Variants in NCS1 observed in about 807,000 individuals in gnomAD.
The protein encoded by NCS1 is frequenin homolog.
A neutral mutation model predicts 28.4 loss-of-function variants in NCS1; 6 were observed. The ratio of observed to expected loss-of-function variants is 0.21; its 90% CI spans 0.12 to 0.42. NCS1 has a LOEUF of 0.42. Among genes scored for constraint, NCS1 ranks in the 10% least tolerant of loss-of-function variants. NCS1 has a pLI of 1.00. For synonymous variants in NCS1, 86 were observed against 99.3 expected (o/e 0.87, Z 0.79); for missense variants, 131 against 241.4 (o/e 0.54, Z 3.03).
rs987849596 is a variant in NCS1 at position 130,215,571 on chromosome 9, C to T, written c.90-2261C>T. The stretch of plus-strand genomic sequence containing the variant: ...CAGAGGACAGGAGAGGCAGGGCGGG[C>T]TCCGAGTCTCACGCATTGCTGTGGA... On this transcript the variant is annotated intron_variant, in intron 2 of 7. Coordinates refer to ENST00000372398, the MANE Select transcript of NCS1 (RefSeq NM_014286.4). This position sits in a 1 kb window ranked among gnomAD's most constrained non-coding sequence, Gnocchi z 4.2. Among the ~76,000 whole-genome samples the T allele has an allele frequency of 2.6e-5, 4 of 152,150 alleles. No homozygotes were observed. In the South Asian group the frequency reaches 8.3e-4, roughly 32 times the overall value.
intron 1 of NCS1, chr9:130,200,687 G>A: frequency 6.5e-7 from 1 of 1,548,898 alleles, no homozygotes; most frequent in South Asian, 1.2e-5. Flanking sequence ...GCGTTCCTGG[G>A]GGCTCTCCCA....
In NCS1 at chr9:130,224,569, A is replaced by T. The variant is rs578259442; in HGVS notation, c.474+1410A>T. 1.1e-4 allele frequency among the ~76,000 whole-genome samples: 16 copies of T among 147,972 alleles called. No individual in the cohort carries two copies. In the South Asian group the frequency reaches 1.3e-3, roughly 12 times the overall value. On this transcript the variant is annotated intron_variant, in intron 6 of 7. Coordinates refer to ENST00000372398, the MANE Select transcript of NCS1 (RefSeq NM_014286.4). Reference sequence around the variant, plus strand: ...GTGAGACTGTCTCAAAAGAAAAAAAATAAAATAAAAGGAACCATAGACACT... The same window carrying T: ...GTGAGACTGTCTCAAAAGAAAAAAATTAAAATAAAAGGAACCATAGACACT...
At chr9:130,189,751 A>G (rs549490753) in intron 1 of NCS1, among the ~76,000 whole-genome samples, 1 of 150,622 alleles carries the variant, frequency 6.6e-6, no homozygotes, top group East Asian at 2.0e-4. Flanking sequence ...CTGAGGCAGG[A>G]GAATTGCTTG....
At chr9:130,185,514 G>C (rs1554905550) in intron 1 of NCS1, among the ~76,000 whole-genome samples, 1 of 152,162 alleles carries the variant, frequency 6.6e-6, no homozygotes. Context: ...GCCAGGCCTC[G>C]TGAGGACCCC....
rs1554905172 is a variant in NCS1 at position 130,181,826 on chromosome 9, T to C, written c.64+9099T>C. On this transcript the variant is annotated intron_variant, in intron 1 of 7. Transcript: ENST00000372398. This position sits in a 1 kb window ranked among gnomAD's most constrained non-coding sequence, Gnocchi z 5.0. Reference sequence around the variant, plus strand: ...GCTCCGAGCGTGAGTGACGGGGTCATGGCGTGTGTCAGGAGTGGGTGAGCC... The same window carrying C: ...GCTCCGAGCGTGAGTGACGGGGTCACGGCGTGTGTCAGGAGTGGGTGAGCC... 6.6e-6 allele frequency among the ~76,000 whole-genome samples: 1 copy of C among 151,856 alleles called. No individual in the cohort carries two copies. Among genetic ancestry groups the C allele is most frequent in the East Asian group, 1.9e-4 (1 of 5,148 alleles).
At chr9:130,173,199 TG>T (rs372844368) in intron 1 of NCS1, among the ~76,000 whole-genome samples, 1,768 of 119,262 alleles carry the variant, frequency 0.015, 25 homozygotes, top group East Asian at 0.038. Flanking sequence ...CCCGTTCGTG[TG>T]GGGGGGGGGG....
In NCS1 at chr9:130,209,209, G is replaced by T. The variant is rs1188694433; in HGVS notation, c.89+8227G>T. On this transcript the variant is annotated intron_variant, in intron 2 of 7. Coordinates refer to ENST00000372398, the MANE Select transcript of NCS1 (RefSeq NM_014286.4). The surrounding 1 kb of genome is among the most constrained non-coding windows in gnomAD (Gnocchi z 4.4). ...TAATGCTTTATGATTTATCCGTCTA[G>T]CAATCTCTGTCCCACCTTTTGCACT... Among the ~76,000 whole-genome samples, 1 of 152,236 alleles carries T rather than the reference G, an allele frequency of 6.6e-6. No individual in the cohort carries two copies. Among genetic ancestry groups the T allele is most frequent in the Non-Finnish European group, 1.5e-5 (1 of 68,048 alleles).
rs956485614 is a variant in NCS1 at position 130,219,337 on chromosome 9, G to T, written c.229-388G>T. 2.0e-5 allele frequency among the ~76,000 whole-genome samples: 3 copies of T among 152,170 alleles called. No individual in the cohort carries two copies. The highest frequency in any genetic ancestry group is 2.0e-4 in the Admixed American group (3 of 15,278). On this transcript the variant is annotated intron_variant, in intron 3 of 7. Coordinates refer to ENST00000372398, the MANE Select transcript of NCS1 (RefSeq NM_014286.4). This position sits in a 1 kb window ranked among gnomAD's most constrained non-coding sequence, Gnocchi z 5.7. ...AAGAGGTGGAATTAAACAACCTGCA[G>T]CGGCCTTTCCTCTGCAAAAGCCCAT...
At chr9:130,216,840 G>A (rs1661731359) in intron 2 of NCS1, among the ~76,000 whole-genome samples, 1 of 144,140 alleles carries the variant, frequency 6.9e-6, no homozygotes, top group Non-Finnish European at 1.5e-5. Context: ...CGGTGTTGGT[G>A]ATAGATGACC....
At chr9:130,214,596 A>T (rs1402740547) in intron 2 of NCS1, among the ~76,000 whole-genome samples, 1 of 151,974 alleles carries the variant, frequency 6.6e-6, no homozygotes, top group Non-Finnish European at 1.5e-5. Flanking sequence ...TTGATCAGAT[A>T]TCGTGGGGGT....
At chr9:130,206,421 T>C (rs2131140424) in intron 2 of NCS1, among the ~76,000 whole-genome samples, 1 of 119,028 alleles carries the variant, frequency 8.4e-6, no homozygotes, top group African/African-American at 3.0e-5. Context: ...TTTTTTTTTT[T>C]TTCCTGAGAT....
chr9:130,206,961 C>T (rs1260721102), intron 2 of NCS1, among the ~76,000 whole-genome samples: 2 of 152,154 alleles, frequency 1.3e-5, no homozygotes, highest in African/African-American at 4.8e-5. Context: ...GAAGTGGCTT[C>T]GACAGCCTCC....
chr9:130,200,460 C>A, intron 1 of NCS1: 2 of 963,844 alleles, frequency 2.1e-6, no homozygotes, highest in Non-Finnish European at 1.6e-6. Flanking sequence ...CAGGGACAGG[C>A]TGACAGGGAG....
chr9:130,204,066 C>T (rs1832993716), intron 2 of NCS1, among the ~76,000 whole-genome samples: 1 of 152,122 alleles, frequency 6.6e-6, no homozygotes, highest in African/African-American at 2.4e-5. Context: ...AATCTCAGCT[C>T]ACTGCAACCT....
intron 2 of NCS1, 28 bp from the exon 3 acceptor site, chr9:130,217,804 C>T (rs781793104): frequency 2.4e-5 from 38 of 1,613,858 alleles, no homozygotes; most frequent in Non-Finnish European, 3.1e-5. Context: ...TCTCCTTTAC[C>T]CTCTCTGGCC....
rs1833605566 is a variant in NCS1, at chr9:130,237,137, T to C, written c.*4165T>C. ...CCCCAGCCCCCTTTGAGTCTCTTTT[T>C]GGGGTGCCGTCCTGTCTGAACCTGC... On this transcript the variant is annotated 3_prime_UTR_variant, in exon 8 of 8. Coordinates refer to ENST00000372398, the MANE Select transcript of NCS1 (RefSeq NM_014286.4). The C allele has an allele frequency of 6.6e-6, 1 of 152,356 alleles. No homozygotes were observed. Among genetic ancestry groups the C allele is most frequent in the Admixed American group, 6.5e-5 (1 of 15,268 alleles). The allele number at this position is 152,356 out of a possible 1,614,324, so 9.4% of individuals were successfully genotyped here. A position where few individuals can be genotyped will look rare whatever the true frequency, so the allele number is the denominator to read the frequency against.
intron 1 of NCS1, among the ~76,000 whole-genome samples, chr9:130,187,819 G>A (rs569703889): frequency 1.5e-4 from 23 of 152,314 alleles, no homozygotes; most frequent in Non-Finnish European, 2.4e-4. Flanking sequence ...CTGCTCTACC[G>A]GCTATGACAT....
In NCS1 at chr9:130,210,402, A is replaced by AG. The variant is rs1554908620; in HGVS notation, c.90-7430_90-7429insG. ...TGACAGAGTGAGACTCAGTCTTAGAAAAAAAAAAAAAAAGAAAGAAAGGGA... is the reference window on the plus strand; with the variant it reads ...TGACAGAGTGAGACTCAGTCTTAGAAGAAAAAAAAAAAAAGAAAGAAAGGGA... On this transcript the variant is annotated intron_variant, in intron 2 of 7. Transcript: ENST00000372398. 2.0e-5 allele frequency among the ~76,000 whole-genome samples: 3 copies of AG among 148,200 alleles called. No homozygotes were observed. The East Asian group carries it at 5.9e-4, about 29-fold the overall frequency.
chr9:130,195,982 T>C (rs1187501577), intron 1 of NCS1, among the ~76,000 whole-genome samples: 2 of 151,956 alleles, frequency 1.3e-5, no homozygotes, highest in African/African-American at 4.8e-5. Flanking sequence ...GCCCTGTTAA[T>C]TTCACATGCA....
Sources: gnomAD v4.1 joint callset for allele counts (sites outside exome capture counted in the v4.1 genomes callset) on GRCh38, gnomAD v4.1.1 for gene constraint, Gnocchi (gnomAD v3.1) non-coding constraint, MANE v1.5 for transcripts, NCBI Gene and HGNC (gene_info 2026-07-23, HGNC 2026-07-21) for gene names.